The following MTHFD1L variants were observed in gnomAD, a reference collection of about 807,000 sequenced individuals.
The protein encoded by MTHFD1L is methylenetetrahydrofolate dehydrogenase (NADP+ dependent) 1 like.
In MTHFD1L, 81 loss-of-function variants were observed where a neutral mutation model predicts 119.5. The ratio of observed to expected loss-of-function variants is 0.68; its 90% CI spans 0.57 to 0.82. MTHFD1L has a LOEUF of 0.82. Among genes scored for constraint, MTHFD1L ranks in the 40% least tolerant of loss-of-function variants. MTHFD1L has a pLI of 0.00. For synonymous variants in MTHFD1L, 430 were observed against 475.2 expected (o/e 0.90, Z 1.24); for missense variants, 1,125 against 1,253.4 (o/e 0.90, Z 1.55).
intron 8 of MTHFD1L, among the ~76,000 whole-genome samples, chr6:150,911,055 C>T (rs1281192613): frequency 1.3e-5 from 2 of 151,842 alleles, no homozygotes; most frequent in Non-Finnish European, 2.9e-5. Context: ...TTATTTTTTC[C>T]TGTAAATTCT....
At chr6:150,906,160 G>A (rs1393062916) in intron 8 of MTHFD1L, among the ~76,000 whole-genome samples, 1 of 152,240 alleles carries the variant, frequency 6.6e-6, no homozygotes, top group Non-Finnish European at 1.5e-5. Context: ...GGATTGTTGG[G>A]AGGGATGGGA....
intron 26 of MTHFD1L, among the ~76,000 whole-genome samples, chr6:151,085,216 G>A (rs113648119): frequency 0.019 from 2,830 of 151,660 alleles, 85 homozygotes; most frequent in African/African-American, 0.065. Flanking sequence ...TTTTAAAAAC[G>A]AATAGAAATT....
At chr6:151,031,087 G>A (rs891803434) in intron 24 of MTHFD1L, among the ~76,000 whole-genome samples, 7 of 152,130 alleles carry the variant, frequency 4.6e-5, no homozygotes, top group African/African-American at 1.4e-4. Context: ...TTGTACTCAG[G>A]CAGTAACTCT....
At chr6:151,006,350 GACA>G (rs1309448529) in intron 20 of MTHFD1L, among the ~76,000 whole-genome samples, 1 of 152,160 alleles carries the variant, frequency 6.6e-6, no homozygotes, top group East Asian at 1.9e-4. Context: ...GTCTGGAGGT[GACA>G]ACAAGTAACA....
chr6:151,034,903 G>A lies in MTHFD1L; in HGVS notation c.2694+303G>A, dbSNP rs556922516. Among the ~76,000 whole-genome samples, 230 of 152,320 alleles carry A rather than the reference G, an allele frequency of 1.5e-3. 1 individual carries two copies. The highest frequency in any genetic ancestry group is 5.2e-3 in the African/African-American group (216 of 41,568). ...TCATCCCTCCCACTCAGCCCTGAAT[G>A]TTGAAGCTATCCTTTGGAGTAGAGC... is the stretch of plus-strand genomic sequence containing the variant. On this transcript the variant is annotated intron_variant, in intron 25 of 27. Coordinates refer to ENST00000367321, the MANE Select transcript of MTHFD1L (RefSeq NM_015440.5).
At chr6:150,970,378 A>T (rs1409330230) in intron 19 of MTHFD1L, among the ~76,000 whole-genome samples, 3 of 152,216 alleles carry the variant, frequency 2.0e-5, no homozygotes, top group Non-Finnish European at 4.4e-5. Flanking sequence ...GAAACTTCAC[A>T]TGCGAGAGCA....
intron 20 of MTHFD1L, among the ~76,000 whole-genome samples, chr6:151,004,024 AAAAGAG>A (rs1225142022): frequency 1.4e-3 from 207 of 146,766 alleles, no homozygotes; most frequent in African/African-American, 5.1e-3. Context: ...AAAAAAAAAA[AAAAGAG>A]AGAGAGAGAT....
chr6:151,002,698 C>T (rs1780786414), intron 20 of MTHFD1L, among the ~76,000 whole-genome samples: 1 of 152,204 alleles, frequency 6.6e-6, no homozygotes, highest in African/African-American at 2.4e-5. Context: ...ATTCATATTC[C>T]AGGATCTTAC....
intron 20 of MTHFD1L, among the ~76,000 whole-genome samples, chr6:150,985,660 C>CAA (rs71014533): frequency 0.094 from 7,370 of 78,756 alleles, 379 homozygotes; most frequent in Non-Finnish European, 0.14. Flanking sequence ...GACTCTGTCT[C>CAA]AAAAAAAAAA....
chr6:150,959,492 A>T (rs1796126328), intron 17 of MTHFD1L, among the ~76,000 whole-genome samples: 1 of 152,262 alleles, frequency 6.6e-6, no homozygotes, highest in Non-Finnish European at 1.5e-5. Context: ...GTGGAGCCAC[A>T]GCCAAGAGAT....
At chr6:150,932,188 A>G (rs963800109) in intron 11 of MTHFD1L, among the ~76,000 whole-genome samples, 3 of 142,680 alleles carry the variant, frequency 2.1e-5, no homozygotes, top group Non-Finnish European at 4.6e-5. Flanking sequence ...AAAAAAAAGC[A>G]TCATTCCATT....
rs145439491 is a variant in MTHFD1L at position 151,069,461 on chromosome 6, G to A, written c.2848-23006G>A. On this transcript the variant is annotated intron_variant, in intron 26 of 27. Coordinates refer to ENST00000367321, the MANE Select transcript of MTHFD1L (RefSeq NM_015440.5). ...AGAATCCATACAGTGGATTCTCTGT[G>A]CTTTTTCTCTTCACCCCTCCTTACC... is the stretch of plus-strand genomic sequence containing the variant. Among the ~76,000 whole-genome samples the A allele has an allele frequency of 1.7e-3, 255 of 152,228 alleles. 3 individuals carry two copies. Among genetic ancestry groups the A allele is most frequent in the African/African-American group, 5.6e-3 (234 of 41,562 alleles).
At chr6:151,000,346 A>G (rs1004569113) in intron 20 of MTHFD1L, among the ~76,000 whole-genome samples, 15 of 151,964 alleles carry the variant, frequency 9.9e-5, no homozygotes, top group African/African-American at 1.9e-4. Context: ...AAAAAAAAAA[A>G]AAAAAAGAAA....
At chr6:150,905,810 CAAAG>C in intron 8 of MTHFD1L, 49 bp downstream of exon 8, 1 of 1,372,168 alleles carries the variant, frequency 7.3e-7, no homozygotes, top group East Asian at 2.3e-5. Flanking sequence ...TCAGATAGTT[CAAAG>C]AAATGTTAAC....
intron 18 of MTHFD1L, 93 bp downstream of exon 18, chr6:150,960,508 T>C: frequency 6.9e-7 from 1 of 1,452,308 alleles, no homozygotes. Context: ...TATCAGTGAG[T>C]GTAATGAGGA....
chr6:151,004,026 A>AAG (rs543168443), intron 20 of MTHFD1L, among the ~76,000 whole-genome samples: 175 of 142,526 alleles, frequency 1.2e-3, no homozygotes, highest in African/African-American at 4.2e-3. Context: ...AAAAAAAAAA[A>AAG]AGAGAGAGAG....
At chr6:150,982,422 G>T (rs557555325) in intron 20 of MTHFD1L, among the ~76,000 whole-genome samples, 1 of 152,146 alleles carries the variant, frequency 6.6e-6, no homozygotes, top group Admixed American at 6.5e-5. Flanking sequence ...CATGTAGCAC[G>T]TGCATTTGTG....
intron 20 of MTHFD1L, among the ~76,000 whole-genome samples, chr6:150,976,733 A>G (rs897601896): frequency 1.3e-5 from 2 of 152,250 alleles, no homozygotes; most frequent in African/African-American, 4.8e-5. Flanking sequence ...TTGGAAAGAA[A>G]CGTTTGCAAA....
At chr6:151,041,001 T>C (rs576805285) in intron 26 of MTHFD1L, among the ~76,000 whole-genome samples, 1 of 152,358 alleles carries the variant, frequency 6.6e-6, no homozygotes, top group Admixed American at 6.5e-5. Context: ...GAGCCCTCTG[T>C]GTCATTATCT....
Sources: gnomAD v4.1 joint callset for allele counts (sites outside exome capture counted in the v4.1 genomes callset) on GRCh38, gnomAD v4.1.1 for gene constraint, MANE v1.5 for transcripts, NCBI Gene and HGNC (gene_info 2026-07-23, HGNC 2026-07-21) for gene names.